Variants in TLR6 observed in about 807,000 individuals in gnomAD.
The protein encoded by TLR6 is toll like receptor 6.
A neutral mutation model predicts 16.1 loss-of-function variants in TLR6; 9 were observed. That is an observed-to-expected ratio of 0.56 (90% CI 0.34 to 0.98). The LOEUF is 0.98. Among genes scored for constraint, TLR6 ranks in the 50% least tolerant of loss-of-function variants. TLR6 has a pLI of 0.02. For synonymous variants in TLR6, 340 were observed against 338.6 expected (o/e 1.00, Z -0.04); for missense variants, 786 against 921.0 (o/e 0.85, Z 1.90).
chr4:38,853,986 T>G (rs2109474140), intron 1 of TLR6, among the ~76,000 whole-genome samples: 1 of 152,342 alleles, frequency 6.6e-6, no homozygotes, highest in African/African-American at 2.4e-5. Context: ...GAAAAATTAA[T>G]AAGATACATA....
At chr4:38,857,071 T>G (rs55919646), upstream of TLR6, among the ~76,000 whole-genome samples, 32,446 of 152,192 alleles carry the variant, frequency 0.21, 4,187 homozygotes, top group Non-Finnish European at 0.28. Flanking sequence ...TATTTCTCTG[T>G]AAGAGTTTGC....
At chr4:38,844,990 C>G (rs974689661) in intron 1 of TLR6, among the ~76,000 whole-genome samples, 1 of 152,098 alleles carries the variant, frequency 6.6e-6, no homozygotes, top group African/African-American at 2.4e-5. Flanking sequence ...ACCTGGGAGG[C>G]GGAGGTTGCA....
chr4:38,847,572 G>A (rs1359184570), intron 1 of TLR6, among the ~76,000 whole-genome samples: 4 of 152,176 alleles, frequency 2.6e-5, no homozygotes, highest in Admixed American at 2.6e-4. Flanking sequence ...GGAAAATTGG[G>A]TCACTCCCAC....
chr4:38,841,642 T>C (rs1006857588), intron 1 of TLR6, among the ~76,000 whole-genome samples: 2 of 152,192 alleles, frequency 1.3e-5, no homozygotes, highest in African/African-American at 4.8e-5. Context: ...TTGTGAAAGA[T>C]AAAATTTCTC....
chr4:38,864,162 T>G, the TLR6 span, among the ~76,000 whole-genome samples: 1 of 152,200 alleles, frequency 6.6e-6, no homozygotes, highest in Non-Finnish European at 1.5e-5. Context: ...TACCCATCAT[T>G]CCCTAAACCC....
intron 1 of TLR6, among the ~76,000 whole-genome samples, chr4:38,853,131 C>G (rs1223806582): frequency 2.7e-5 from 4 of 147,108 alleles, no homozygotes; most frequent in Middle Eastern, 3.5e-3. Flanking sequence ...ATCGCAAGGA[C>G]AAAAAACCAA....
upstream of TLR6, among the ~76,000 whole-genome samples, chr4:38,860,494 A>T (rs886649632): frequency 1.3e-5 from 2 of 151,030 alleles, no homozygotes; most frequent in Non-Finnish European, 2.9e-5. Flanking sequence ...GCTAATTTAT[A>T]TATTAAGTAT....
exon 2 of TLR6, chr4:38,829,066 C>A: frequency 6.2e-7 from 1 of 1,614,116 alleles, no homozygotes; most frequent in Non-Finnish European, 8.5e-7. Flanking sequence ...TACAGATGGG[C>A]AGGGCCTTGA....
the TLR6 span, among the ~76,000 whole-genome samples, chr4:38,866,410 T>C: frequency 6.6e-6 from 1 of 151,830 alleles, no homozygotes; most frequent in African/African-American, 2.4e-5. Context: ...GGAGAATTGC[T>C]TGAACCCAGT....
intron 1 of TLR6, among the ~76,000 whole-genome samples, chr4:38,845,385 T>A (rs1579255622): frequency 3.3e-5 from 5 of 152,348 alleles, no homozygotes; most frequent in African/African-American, 1.2e-4. Flanking sequence ...GGAAAATTAA[T>A]GTTGTGGATG....
intron 1 of TLR6, among the ~76,000 whole-genome samples, chr4:38,834,230 C>T (rs762573921): frequency 1.3e-5 from 2 of 148,798 alleles, no homozygotes; most frequent in Non-Finnish European, 3.0e-5. Flanking sequence ...AAGAGCAAAA[C>T]TCCAGCTCAA....
At chr4:38,832,356 C>G (rs964866839) in intron 1 of TLR6, among the ~76,000 whole-genome samples, 1 of 152,214 alleles carries the variant, frequency 6.6e-6, no homozygotes, top group Non-Finnish European at 1.5e-5. Context: ...AGTGAAGCAG[C>G]CAGCCCAGCT....
At chr4:38,845,989 G>C (rs1447514789) in intron 1 of TLR6, among the ~76,000 whole-genome samples, 1 of 151,690 alleles carries the variant, frequency 6.6e-6, no homozygotes, top group African/African-American at 2.4e-5. Context: ...CTATTCAGGA[G>C]GCTGAGGCAG....
upstream of TLR6, among the ~76,000 whole-genome samples, chr4:38,857,188 A>G (rs1055402313): frequency 4.6e-5 from 7 of 152,192 alleles, no homozygotes; most frequent in Non-Finnish European, 1.0e-4. Flanking sequence ...TTCCCTTATC[A>G]AGCAATTTTG....
chr4:38,839,050 AAAAG>A (rs1319205457), intron 1 of TLR6, among the ~76,000 whole-genome samples: 1 of 132,484 alleles, frequency 7.5e-6, no homozygotes, highest in Non-Finnish European at 1.6e-5. Context: ...GAAAGAAAGA[AAAAG>A]AGAGAAAGAA....
At position 38,827,597 on chromosome 4, in the gene TLR6, C is replaced by T. The variant is rs556706627; in HGVS notation, c.1877G>A (p.Arg626His). Residue 626 changes from arginine to histidine, a missense_variant, in exon 2 of 2, where the codon CGC becomes CAC. By Grantham distance (29) the Arg-to-His change is conservative. Coordinates refer to ENST00000436693, the Ensembl canonical transcript of TLR6. ...TTCTAAGGGTATGTTCCTGGCCCTG[C>T]GCCGAGTCTGGGTCCACTGGCACAC... 75 of 1,614,180 alleles carry T rather than the reference C, an allele frequency of 4.6e-5. No individual in the cohort carries two copies. In the Admixed American group the frequency reaches 6.5e-4, roughly 14 times the overall value.
intron 1 of TLR6, among the ~76,000 whole-genome samples, chr4:38,846,400 A>C (rs1476797051): frequency 1.3e-5 from 2 of 152,210 alleles, no homozygotes; most frequent in Non-Finnish European, 2.9e-5. Flanking sequence ...GAAATTATAG[A>C]CAATTATTGA....
chr4:38,867,674 G>A, the TLR6 span: 1 of 151,542 alleles, frequency 6.6e-6, no homozygotes, highest in African/African-American at 2.4e-5. Flanking sequence ...GCAGCGTGGG[G>A]GTGGCCGGGC....
chr4:38,856,229 C>T (rs1234998491), intron 1 of TLR6, among the ~76,000 whole-genome samples: 2 of 152,174 alleles, frequency 1.3e-5, no homozygotes, highest in African/African-American at 2.4e-5. Flanking sequence ...TGCCATGCTA[C>T]GCACTAGGCA....
Sources: allele counts gnomAD v4.1 joint callset (sites outside exome capture counted in the v4.1 genomes callset), GRCh38; gene constraint gnomAD v4.1.1; transcripts MANE v1.5; gene names NCBI Gene and HGNC (gene_info 2026-07-23, HGNC 2026-07-21).